MRE11: variants seen among roughly 807,000 people sequenced by gnomAD.
The protein encoded by MRE11 is double-strand break repair protein MRE11.
Under a neutral mutation model 91.7 loss-of-function variants are expected in MRE11, and 62 were observed. That is an observed-to-expected ratio of 0.68 (90% CI 0.55 to 0.84). The LOEUF (loss-of-function observed/expected upper bound fraction) is 0.84, where lower values mean the gene tolerates loss of function less well. MRE11 is among the 40% of genes least tolerant of loss of function. The pLI, the probability that MRE11 is intolerant of heterozygous loss-of-function variation, is 0.00. For missense variants in MRE11, 796 were observed against 852.9 expected, an observed-to-expected ratio of 0.93 and a Z score of 0.83; for synonymous variants, 273 against 271.4, an observed-to-expected ratio of 1.01 and a Z score of -0.06.
At chr11:94,450,065 T>C (rs960494151) in intron 14 of MRE11, among the ~76,000 whole-genome samples, 3 of 152,180 alleles carry the variant, frequency 2.0e-5, no homozygotes, top group Non-Finnish European at 4.4e-5. Context: ...AATATGACTT[T>C]TGGAGAAAAA....
At chr11:94,456,787 T>A (rs1005778156) in intron 13 of MRE11, among the ~76,000 whole-genome samples, 4 of 152,170 alleles carry the variant, frequency 2.6e-5, no homozygotes, top group African/African-American at 9.7e-5. Context: ...GAAGATCCAT[T>A]TTTATTAAGA....
At chr11:94,436,662 A>AT (rs1565206121) in intron 17 of MRE11, among the ~76,000 whole-genome samples, 1 of 152,208 alleles carries the variant, frequency 6.6e-6, no homozygotes, top group African/African-American at 2.4e-5. Context: ...AAGTGAAGTA[A>AT]TAAGAGAATC....
chr11:94,467,682 T>G lies in MRE11; in HGVS notation c.1098+131A>C, dbSNP rs104895018. The G allele has an allele frequency of 9.5e-6, 7 of 735,784 alleles. No homozygotes were observed. The highest frequency in any genetic ancestry group is 1.4e-5 in the Non-Finnish European group (6 of 428,310). 45.6% of individuals were successfully genotyped at this position (735,784 alleles called of 1,614,324 possible). ...ACTCAAATCCTTATATCTTTGTTTT[T>G]GCCTCCGATGGTGATTGCTCTTCTT... On this transcript the variant is annotated intron_variant, in intron 10 of 19. Transcript: ENST00000323929.
the MRE11 span, among the ~76,000 whole-genome samples, chr11:94,506,097 T>C: frequency 6.6e-6 from 1 of 152,074 alleles, no homozygotes; most frequent in Non-Finnish European, 1.5e-5. Context: ...CTCCCACCAT[T>C]AAGCGACACA....
intron 16 of MRE11, among the ~76,000 whole-genome samples, chr11:94,442,807 G>C (rs1158723607): frequency 6.6e-6 from 1 of 152,174 alleles, no homozygotes; most frequent in East Asian, 1.9e-4. Context: ...GCTGTCATTT[G>C]TTGAATGCAA....
intron 19 of MRE11, among the ~76,000 whole-genome samples, chr11:94,420,696 T>C (rs13447740): frequency 2.7e-4 from 41 of 152,314 alleles, no homozygotes; most frequent in Admixed American, 2.7e-3. Flanking sequence ...AGCTTTCAAA[T>C]AGTTTTTTGG....
At chr11:94,490,131 A>G (rs963352518) in intron 3 of MRE11, among the ~76,000 whole-genome samples, 2 of 152,172 alleles carry the variant, frequency 1.3e-5, no homozygotes, top group Non-Finnish European at 2.9e-5. Context: ...TGAACTGGAT[A>G]CAAATTTCTC....
intron 13 of MRE11, among the ~76,000 whole-genome samples, chr11:94,458,747 T>C (rs1946331576): frequency 6.6e-6 from 1 of 152,126 alleles, no homozygotes; most frequent in African/African-American, 2.4e-5. Flanking sequence ...AAAAGATGTA[T>C]TTGAGTTTCT....
intron 11 of MRE11, among the ~76,000 whole-genome samples, chr11:94,461,543 C>T (rs1226595612): frequency 6.6e-6 from 1 of 152,134 alleles, no homozygotes; most frequent in Non-Finnish European, 1.5e-5. Context: ...TGGAAGCATT[C>T]CCTTTGAAAA....
At chr11:94,504,524 G>T in the MRE11 span, among the ~76,000 whole-genome samples, 1 of 152,218 alleles carries the variant, frequency 6.6e-6, no homozygotes, top group Non-Finnish European at 1.5e-5. Flanking sequence ...CATTTGGCAG[G>T]ATTCAAGAAA....
the MRE11 span, among the ~76,000 whole-genome samples, chr11:94,511,204 G>C: frequency 2.0e-5 from 3 of 152,108 alleles, no homozygotes; most frequent in African/African-American, 7.2e-5. Flanking sequence ...GATAGATATA[G>C]ATAGATATCT....
intron 14 of MRE11, among the ~76,000 whole-genome samples, chr11:94,453,355 T>C (rs509744): frequency 0.29 from 44,259 of 152,136 alleles, 6,858 homozygotes; most frequent in Middle Eastern, 0.4. Context: ...AATTGCTATA[T>C]TACATGATAA....
chr11:94,498,343 C>G (rs1182296516), upstream of MRE11: 2 of 1,613,668 alleles, frequency 1.2e-6, no homozygotes, highest in Non-Finnish European at 1.7e-6. Context: ...TCTTGACCCC[C>G]TTGCATCTTG....
At chr11:94,463,867 A>C (rs931809271) in intron 11 of MRE11, among the ~76,000 whole-genome samples, 1 of 152,186 alleles carries the variant, frequency 6.6e-6, no homozygotes, top group Non-Finnish European at 1.5e-5. Context: ...CCAACATGGC[A>C]CATGTATACA....
intron 16 of MRE11, among the ~76,000 whole-genome samples, chr11:94,441,458 A>C (rs1179747842): frequency 1.3e-5 from 2 of 152,142 alleles, no homozygotes; most frequent in East Asian, 3.9e-4. Context: ...CCTGTTGATA[A>C]TTTTCTAGGG....
intron 7 of MRE11, chr11:94,473,345 G>A (rs1197684042): frequency 6.6e-6 from 1 of 152,114 alleles, no homozygotes; most frequent in Non-Finnish European, 1.5e-5. Flanking sequence ...TTTCCCGGAA[G>A]AAGAAGGGAG....
chr11:94,429,365 A>G (rs1257448587), intron 19 of MRE11, among the ~76,000 whole-genome samples: 1 of 152,214 alleles, frequency 6.6e-6, no homozygotes, highest in Non-Finnish European at 1.5e-5. Flanking sequence ...TCATTCTACC[A>G]AAAAGACACA....
intron 4 of MRE11, among the ~76,000 whole-genome samples, chr11:94,484,347 C>G (rs954928623): frequency 6.6e-6 from 1 of 152,166 alleles, no homozygotes; most frequent in African/African-American, 2.4e-5. Context: ...TAGAATATCA[C>G]AGTTATAACT....
At position 94,425,729 on chromosome 11, in the gene MRE11, C is replaced by T. The variant is rs140161929; in HGVS notation, c.2070+4182G>A. On this transcript the variant is annotated intron_variant, in intron 19 of 19. Transcript: ENST00000323929. The stretch of plus-strand genomic sequence containing the variant: ...CAGATATAGCCGATTTTAAACCAAC[C>T]AACAGTAAAAAGGGACAAAGAAAGG... 3.1e-3 allele frequency among the ~76,000 whole-genome samples: 469 copies of T among 152,154 alleles called. 1 individual carries two copies. The highest frequency in any genetic ancestry group is 5.5e-3 in the Non-Finnish European group (373 of 67,992).
Sources: allele counts gnomAD v4.1 joint callset (sites outside exome capture counted in the v4.1 genomes callset), GRCh38; gene constraint gnomAD v4.1.1; transcripts MANE v1.5; gene names NCBI Gene and HGNC (gene_info 2026-07-23, HGNC 2026-07-21).